PCDHGA6: variants seen among roughly 807,000 people sequenced by gnomAD.
The protein encoded by PCDHGA6 is protocadherin gamma-A6.
In PCDHGA6, 41 loss-of-function variants were observed where a neutral mutation model predicts 60.6. The ratio of observed to expected loss-of-function variants is 0.68; its 90% CI spans 0.53 to 0.88. The LOEUF (loss-of-function observed/expected upper bound fraction) is 0.88, where lower values mean the gene tolerates loss of function less well. Ranked by LOEUF, PCDHGA6 falls within the 40% of genes least tolerant of loss-of-function variation. PCDHGA6 has a pLI of 0.00. For missense variants in PCDHGA6, 1,312 were observed against 1,203.0 expected (o/e 1.09, Z -1.34); for synonymous variants, 594 against 524.4 (o/e 1.13, Z -1.81).
In PCDHGA6 at chr5:141,491,942, C is replaced by A; in HGVS notation, c.2425-2865C>A. The A allele has an allele frequency of 8.9e-7, 1 of 1,122,490 alleles. No individual in the cohort carries two copies. The highest frequency in any genetic ancestry group is 1.2e-6 in the Non-Finnish European group (1 of 824,374). 69.5% of individuals were successfully genotyped at this position (1,122,490 alleles called of 1,614,324 possible). The stretch of plus-strand genomic sequence containing the variant: ...GGCGAGGGGAGGTGGGACCGACCCC[C>A]ACCCCTACACTCAAAAAAGGCCGGG... On this transcript the variant is annotated intron_variant, in intron 1 of 3. Transcript: ENST00000517434. The surrounding 1 kb of genome is among the most constrained non-coding windows in gnomAD (Gnocchi z 6.9).
rs2099629540 is a variant in PCDHGA6, at chr5:141,486,436, T to C, written c.2425-8371T>C. 2 of 1,614,188 alleles carry C rather than the reference T, an allele frequency of 1.2e-6. No individual in the cohort carries two copies. The highest frequency in any genetic ancestry group is 1.7e-6 in the Non-Finnish European group (2 of 1,180,020). On this transcript the variant is annotated intron_variant, in intron 1 of 3. Coordinates refer to ENST00000517434, the MANE Select transcript of PCDHGA6 (RefSeq NM_018919.3). This position sits in a 1 kb window ranked among gnomAD's most constrained non-coding sequence, Gnocchi z 5.0. ...TGGATCGAGAGGCCAAATCTAGCTA[T>C]GACATCATGGTCACTGCTTCTGATG... is the stretch of plus-strand genomic sequence containing the variant.
chr5:141,455,541 A>G (rs2098825752), intron 1 of PCDHGA6, among the ~76,000 whole-genome samples: 1 of 152,134 alleles, frequency 6.6e-6, no homozygotes, highest in African/African-American at 2.4e-5. Context: ...CATATCATTC[A>G]CGTAGCCCGA....
rs1770318137 is a variant in PCDHGA6 at position 141,374,258 on chromosome 5, T to G, written c.175T>G (p.Leu59Val). Residue 59 changes from leucine (L) to valine (V), a missense_variant, in exon 1 of 4, where the codon TTG becomes GTG. Leu to Val is a conservative substitution (Grantham distance 32). Coordinates refer to ENST00000517434, the MANE Select transcript of PCDHGA6 (RefSeq NM_018919.3). Reference sequence around the variant, plus strand: ...GGATCTGGGACTGGAGCCCCAGGAGTTGGCGGAGCACGGAGTCCGCATCGT... The same window carrying G: ...GGATCTGGGACTGGAGCCCCAGGAGGTGGCGGAGCACGGAGTCCGCATCGT... ...VKDLGLEPQELAEHGVRIVSR... is the reference protein window; with the variant it reads ...VKDLGLEPQEVAEHGVRIVSR... 2 of 1,613,806 alleles carry G rather than the reference T, an allele frequency of 1.2e-6. No individual in the cohort carries two copies. Among genetic ancestry groups the G allele is most frequent in the African/African-American group, 1.3e-5 (1 of 74,912 alleles).
At chr5:141,428,185 G>T (rs775261215) in intron 1 of PCDHGA6, 286 of 1,446,232 alleles carry the variant, frequency 2.0e-4, no homozygotes, top group Non-Finnish European at 2.5e-4. Context: ...GAGGACAGCC[G>T]CCGCTCTCTG....
intron 1 of PCDHGA6, among the ~76,000 whole-genome samples, chr5:141,437,807 G>T (rs910427301): frequency 6.7e-6 from 1 of 149,476 alleles, no homozygotes; most frequent in Non-Finnish European, 1.5e-5. Flanking sequence ...GCACTATCTT[G>T]GCTCACTGCA....
At position 141,487,152 on chromosome 5, in the gene PCDHGA6, C is replaced by T. The variant is rs772254681; in HGVS notation, c.2425-7655C>T. On this transcript the variant is annotated intron_variant, in intron 1 of 3. Coordinates refer to ENST00000517434, the MANE Select transcript of PCDHGA6 (RefSeq NM_018919.3). The surrounding 1 kb of genome is among the most constrained non-coding windows in gnomAD (Gnocchi z 5.0). ...AGTCCACCACTCTCTACCTCTGTTA[C>T]TCTCTTAGTGTCCTTAGAGGAAGAC... 3.7e-6 allele frequency: 6 copies of T among 1,613,860 alleles called. No homozygotes were observed. Among genetic ancestry groups the T allele is most frequent in the Non-Finnish European group, 5.1e-6 (6 of 1,179,828 alleles).
intron 1 of PCDHGA6, among the ~76,000 whole-genome samples, chr5:141,464,833 G>A (rs1015373577): frequency 6.6e-6 from 1 of 151,990 alleles, no homozygotes; most frequent in African/African-American, 2.4e-5. Context: ...CGCACTCCTG[G>A]GCTCAAGCAA....
Position 141,404,868 on chromosome 5 carries a change from A to G in PCDHGA6, c.2424+28361A>G, listed in dbSNP as rs375122600. On this transcript the variant is annotated intron_variant, in intron 1 of 3. Coordinates refer to ENST00000517434, the MANE Select transcript of PCDHGA6 (RefSeq NM_018919.3). Reference sequence around the variant, plus strand: ...GCCCTGCTAGATAGAGATGCGCTCAAACAGAGCCTTGTGGTGGCTGTACAG... The same window carrying G: ...GCCCTGCTAGATAGAGATGCGCTCAGACAGAGCCTTGTGGTGGCTGTACAG... 5.1e-5 allele frequency: 83 copies of G among 1,613,770 alleles called. 1 individual carries two copies. The highest frequency in any genetic ancestry group is 6.9e-5 in the Non-Finnish European group (81 of 1,179,896).
At chr5:141,381,603 T>C (rs751788788) in intron 1 of PCDHGA6, among the ~76,000 whole-genome samples, 4 of 152,242 alleles carry the variant, frequency 2.6e-5, no homozygotes, top group African/African-American at 4.8e-5. Context: ...TTCTTATGAA[T>C]TCACAGCCCA....
At chr5:141,449,888 A>G (rs544369390) in intron 1 of PCDHGA6, among the ~76,000 whole-genome samples, 1 of 151,990 alleles carries the variant, frequency 6.6e-6, no homozygotes, top group Non-Finnish European at 1.5e-5. Flanking sequence ...ATGCAATATA[A>G]TTATTTAGCC....
rs1163353349 is a variant in PCDHGA6, at chr5:141,489,426, G to C, written c.2425-5381G>C. 6.2e-7 allele frequency: 1 copy of C among 1,614,012 alleles called. No homozygotes were observed. The highest frequency in any genetic ancestry group is 1.3e-5 in the African/African-American group (1 of 74,922). ...TAAAGATGACAGATCTGTTGAGCCGGCGGCTGCAATTGGGCTCTGAGGAGA... is the reference window on the plus strand; with the variant it reads ...TAAAGATGACAGATCTGTTGAGCCGCCGGCTGCAATTGGGCTCTGAGGAGA... On this transcript the variant is annotated intron_variant, in intron 1 of 3. Transcript: ENST00000517434. The surrounding 1 kb of genome is among the most constrained non-coding windows in gnomAD (Gnocchi z 4.5).
At chr5:141,409,847 C>T (rs2095325421) in intron 1 of PCDHGA6, 3 of 1,611,712 alleles carry the variant, frequency 1.9e-6, no homozygotes, top group East Asian at 2.2e-5. Context: ...CGTGAGCCTG[C>T]GCGTGTTGGT....
chr5:141,375,303 A>T lies in PCDHGA6; in HGVS notation c.1220A>T (p.Asn407Ile). The T allele has an allele frequency of 3.1e-6, 5 of 1,613,850 alleles. No individual in the cohort carries two copies. Among genetic ancestry groups the T allele is most frequent in the Non-Finnish European group, 4.2e-6 (5 of 1,179,896 alleles). Residue 407 changes from asparagine to isoleucine, a missense_variant, in exon 1 of 4, where the codon AAT becomes ATT. Asn to Ile is a moderately radical substitution (Grantham distance 149, BLOSUM62 -3). Transcript: ENST00000517434. ...GGCAATTATTATCGATTAGTGACAA[A>T]TGCAGCTCTAGACCGGGAAGAGGTA... ...SVGNYYRLVT[N>I]AALDREEVFL...
intron 1 of PCDHGA6, chr5:141,414,805 C>T (rs1464881022): frequency 1.2e-6 from 2 of 1,614,224 alleles, no homozygotes; most frequent in Middle Eastern, 1.6e-4. Flanking sequence ...CAGCGGGGAT[C>T]CTCCACTCAG....
rs1358516648 is a variant in PCDHGA6, at chr5:141,489,199, A to C, written c.2425-5608A>C. The C allele has an allele frequency of 1.4e-6, 2 of 1,395,234 alleles. No individual in the cohort carries two copies. The highest frequency in any genetic ancestry group is 2.8e-5 in the South Asian group (2 of 71,520). The allele number at this position is 1,395,234 out of a possible 1,614,324, so 86.4% of individuals were successfully genotyped here. ...CAAGCCCTGGGTCTACCTTGGAGAC[A>C]GGACAGCACAGACTTACTCTCCACA... On this transcript the variant is annotated intron_variant, in intron 1 of 3. Transcript: ENST00000517434. The surrounding 1 kb of genome is among the most constrained non-coding windows in gnomAD (Gnocchi z 4.5).
At chr5:141,381,831 T>C (rs1313642722) in intron 1 of PCDHGA6, among the ~76,000 whole-genome samples, 7 of 136,370 alleles carry the variant, frequency 5.1e-5, no homozygotes, top group African/African-American at 2.0e-4. Context: ...TTCTTCTTTT[T>C]TTTTTTTTTT....
chr5:141,400,426 G>A (rs1346018954), intron 1 of PCDHGA6: 1 of 1,614,060 alleles, frequency 6.2e-7, no homozygotes, highest in Non-Finnish European at 8.5e-7. Flanking sequence ...AAAATGTAGT[G>A]AGCAATTGAG....
At chr5:141,392,893 G>A (rs1281523592) in intron 1 of PCDHGA6, 10 of 1,613,662 alleles carry the variant, frequency 6.2e-6, no homozygotes, top group African/African-American at 2.7e-5. Flanking sequence ...TGGGAAATCG[G>A]GAGGGGACAG....
At chr5:141,438,583 CATACATACATATATATATATATATATAT>C (rs1227221577) in intron 1 of PCDHGA6, among the ~76,000 whole-genome samples, 1 of 57,610 alleles carries the variant, frequency 1.7e-5, no homozygotes, top group African/African-American at 9.0e-5. Flanking sequence ...TACATACATA[CATACATACATATATATATATATATATAT>C]ATATATATAT....
Sources: allele counts gnomAD v4.1 joint callset (sites outside exome capture counted in the v4.1 genomes callset), GRCh38; gene constraint gnomAD v4.1.1; non-coding constraint Gnocchi (gnomAD v3.1); transcripts MANE v1.5; gene names NCBI Gene and HGNC (gene_info 2026-07-23, HGNC 2026-07-21).